Variants in PARD3B observed in about 807,000 individuals in gnomAD.
The protein encoded by PARD3B is par-3 family cell polarity regulator beta, also known as partitioning defective 3 homolog B.
A neutral mutation model predicts 130.2 loss-of-function variants in PARD3B; 103 were observed. The observed-to-expected ratio is 0.79, with a 90% CI of 0.67 to 0.93. The LOEUF (loss-of-function observed/expected upper bound fraction) is 0.93. Among genes scored for constraint, PARD3B ranks in the 40% least tolerant of loss-of-function variants. PARD3B has a pLI of 0.00. For missense variants in PARD3B, 1,609 were observed against 1,499.2 expected (o/e 1.07, Z -1.21); for synonymous variants, 583 against 553.2 (o/e 1.05, Z -0.76).
intron 20 of PARD3B, among the ~76,000 whole-genome samples, chr2:205,478,810 A>G (rs562142011): frequency 4.1e-4 from 63 of 152,310 alleles, no homozygotes; most frequent in African/African-American, 1.2e-3. Context: ...GGACAGTTTC[A>G]TCTAGAAATG....
At chr2:205,380,763 A>ATATATATAATATATAAAGAATATACAT (rs1345929238) in intron 18 of PARD3B, among the ~76,000 whole-genome samples, 3 of 103,552 alleles carry the variant, frequency 2.9e-5, no homozygotes, top group South Asian at 3.3e-4. Context: ...TATATAAAGA[A>ATATATATAATATATAAAGAATATACAT]TATATATAAT....
At chr2:205,350,880 C>A (rs1172729153) in intron 18 of PARD3B, among the ~76,000 whole-genome samples, 2 of 152,078 alleles carry the variant, frequency 1.3e-5, no homozygotes, top group Admixed American at 6.5e-5. Context: ...AAAGTATATT[C>A]TTGACTTTTC....
chr2:205,389,413 A>C (rs1324747350), intron 18 of PARD3B, among the ~76,000 whole-genome samples: 1 of 152,108 alleles, frequency 6.6e-6, no homozygotes, highest in Non-Finnish European at 1.5e-5. Flanking sequence ...CCCAGGCTGG[A>C]GTGCAATGAC....
intron 19 of PARD3B, among the ~76,000 whole-genome samples, chr2:205,423,886 G>T (rs1242615405): frequency 6.6e-6 from 1 of 152,040 alleles, no homozygotes; most frequent in East Asian, 1.9e-4. Flanking sequence ...GGAACTAAAT[G>T]ATGAGAACAC....
intron 21 of PARD3B, among the ~76,000 whole-genome samples, chr2:205,502,417 G>A (rs535506567): frequency 2.0e-5 from 3 of 152,242 alleles, no homozygotes; most frequent in Non-Finnish European, 4.4e-5. Context: ...CAAGGGATGC[G>A]CCACGTGGTC....
At chr2:205,559,286 A>G (rs1328982603) in intron 22 of PARD3B, among the ~76,000 whole-genome samples, 1 of 152,146 alleles carries the variant, frequency 6.6e-6, no homozygotes, top group African/African-American at 2.4e-5. Context: ...CTGGGACTAC[A>G]GGCACGCACC....
At chr2:204,983,266 T>C (rs1402427916) in intron 3 of PARD3B, among the ~76,000 whole-genome samples, 3 of 152,180 alleles carry the variant, frequency 2.0e-5, no homozygotes, top group African/African-American at 7.2e-5. Flanking sequence ...AAATTGGTGT[T>C]ATTAAGCCTT....
In PARD3B at chr2:205,368,860, C is replaced by CAAA. The variant is rs76938901; in HGVS notation, c.2631-32141_2631-32139dup. Among the ~76,000 whole-genome samples the CAAA allele has an allele frequency of 1.2e-4, 17 of 147,008 alleles. 1 individual carries two copies. The East Asian group carries it at 3.4e-3, about 29-fold the overall frequency. On this transcript the variant is annotated intron_variant, in intron 18 of 22. Coordinates refer to ENST00000406610, the MANE Select transcript of PARD3B (RefSeq NM_001302769.2). ...CTCAATTCAGGGGAGCTTGGGAAAA[C>CAAA]AAAAAAAAAAAAAACACCCCATAAC... is the stretch of plus-strand genomic sequence containing the variant.
Position 205,420,166 on chromosome 2 carries a change from G to A in PARD3B, c.2741+19043G>A, listed in dbSNP as rs373674149. On this transcript the variant is annotated intron_variant, in intron 19 of 22. Coordinates refer to ENST00000406610, the MANE Select transcript of PARD3B (RefSeq NM_001302769.2). ...TGGAATTGAGAAGGAGCTAAAAGAA[G>A]CTGTGTTTATGCTTTTCAAGAGCTA... Among the ~76,000 whole-genome samples the A allele has an allele frequency of 3.9e-5, 6 of 152,268 alleles. No homozygotes were observed. In the South Asian group the frequency reaches 1.0e-3, roughly 26 times the overall value.
At chr2:204,881,485 CT>C (rs888360018) in intron 2 of PARD3B, among the ~76,000 whole-genome samples, 151 of 145,236 alleles carry the variant, frequency 1.0e-3, no homozygotes, top group Non-Finnish European at 1.7e-3. Context: ...GAGAGTTAAG[CT>C]TTTTTTTTTT....
At chr2:204,929,823 C>A (rs530040293) in intron 2 of PARD3B, among the ~76,000 whole-genome samples, 2 of 151,970 alleles carry the variant, frequency 1.3e-5, no homozygotes, top group East Asian at 1.9e-4. Context: ...ACTATTTAGA[C>A]CACTCCAGAC....
intron 3 of PARD3B, among the ~76,000 whole-genome samples, chr2:205,044,126 G>T (rs1698589313): frequency 6.6e-6 from 1 of 151,992 alleles, no homozygotes; most frequent in Admixed American, 6.6e-5. Flanking sequence ...TCCCTACAAA[G>T]GACATGAACT....
chr2:205,134,933 C>G (rs2032344046), intron 10 of PARD3B, among the ~76,000 whole-genome samples: 1 of 151,098 alleles, frequency 6.6e-6, no homozygotes, highest in African/African-American at 2.4e-5. Flanking sequence ...GAGGAGTGTT[C>G]TATGTTGTAA....
At chr2:205,129,968 G>A (rs1265264452) in intron 10 of PARD3B, among the ~76,000 whole-genome samples, 3 of 152,160 alleles carry the variant, frequency 2.0e-5, no homozygotes, top group Admixed American at 1.3e-4. Flanking sequence ...AACGTCCCAA[G>A]TTTAGCAGCA....
chr2:204,741,062 G>A (rs894388586), intron 2 of PARD3B, among the ~76,000 whole-genome samples: 2 of 151,854 alleles, frequency 1.3e-5, no homozygotes, highest in Admixed American at 6.6e-5. Context: ...AAAATAATTG[G>A]CATCAATTTG....
chr2:205,112,308 TA>T (rs1242806930), intron 5 of PARD3B, among the ~76,000 whole-genome samples: 1 of 152,096 alleles, frequency 6.6e-6, no homozygotes, highest in Non-Finnish European at 1.5e-5. Flanking sequence ...GAAAACACAT[TA>T]AAAATCAACC....
rs1479539771 is a variant in PARD3B, at chr2:204,943,981, A to G, written c.223-21171A>G. Among the ~76,000 whole-genome samples, 1 of 152,234 alleles carries G rather than the reference A, an allele frequency of 6.6e-6. No individual in the cohort carries two copies. Among genetic ancestry groups the G allele is most frequent in the Non-Finnish European group, 1.5e-5 (1 of 68,032 alleles). ...TAAACATTCAAAATTACATCACCTC[A>G]GGGAAACTAAGTTAAGAACAACTCA... On this transcript the variant is annotated intron_variant, in intron 2 of 22. Coordinates refer to ENST00000406610, the MANE Select transcript of PARD3B (RefSeq NM_001302769.2). This position sits in a 1 kb window ranked among gnomAD's most constrained non-coding sequence, Gnocchi z 4.2.
Position 205,010,914 on chromosome 2 carries a change from A to AT in PARD3B, c.395-36661dup, listed in dbSNP as rs1009830668. On this transcript the variant is annotated intron_variant, in intron 3 of 22. Transcript: ENST00000406610. The stretch of plus-strand genomic sequence containing the variant: ...TCTTCACATTGTCTGTTACTTCCAG[A>AT]TTTTTTCTACTGATTATTTTGGCCT... Among the ~76,000 whole-genome samples the AT allele has an allele frequency of 3.3e-5, 5 of 151,912 alleles. No homozygotes were observed. The East Asian group carries it at 5.8e-4, about 18-fold the overall frequency.
chr2:204,558,244 ACT>A (rs1366773154), intron 1 of PARD3B: 1 of 152,058 alleles, frequency 6.6e-6, no homozygotes, highest in Non-Finnish European at 1.5e-5. Flanking sequence ...AGGATGTTAA[ACT>A]CTCTGAGTTG....
Sources: gnomAD v4.1 joint callset for allele counts (sites outside exome capture counted in the v4.1 genomes callset) on GRCh38, gnomAD v4.1.1 for gene constraint, Gnocchi (gnomAD v3.1) non-coding constraint, MANE v1.5 for transcripts, NCBI Gene and HGNC (gene_info 2026-07-23, HGNC 2026-07-21) for gene names.